RNF111: variants seen among roughly 807,000 people sequenced by gnomAD.
RNF111 encodes the protein E3 ubiquitin-protein ligase Arkadia.
RNF111 carries 17 observed loss-of-function variants against 95.1 expected under a neutral mutation model. That is an observed-to-expected ratio of 0.18 (90% CI 0.12 to 0.27). The LOEUF (loss-of-function observed/expected upper bound fraction) is 0.27, where lower values mean the gene tolerates loss of function less well. Ranked by LOEUF, RNF111 falls within the 10% of genes least tolerant of loss-of-function variation. RNF111 has a pLI of 1.00. For missense variants in RNF111, 1,189 were observed against 1,210.4 expected (o/e 0.98, Z 0.26); for synonymous variants, 440 against 414.8 (o/e 1.06, Z -0.74).
chr15:58,996,059 T>C (rs1322983286), intron 1 of RNF111, among the ~76,000 whole-genome samples: 2 of 152,154 alleles, frequency 1.3e-5, no homozygotes, highest in Admixed American at 6.5e-5. Context: ...CAGCAACTTA[T>C]TGTCATAAAG....
rs367600114 is a variant in RNF111 at position 59,051,221 on chromosome 15, A to T, written c.881-1084A>T. Among the ~76,000 whole-genome samples the T allele has an allele frequency of 5.9e-5, 9 of 151,778 alleles. No homozygotes were observed. In the East Asian group the frequency reaches 1.7e-3, roughly 29 times the overall value. ...GTAATCCCAGCACTTTGGGAGGCTG[A>T]GGAGGGTGGATCATGAGGTCAGGAG... On this transcript the variant is annotated intron_variant, in intron 2 of 13. Transcript: ENST00000348370.
chr15:59,033,923 T>C (rs2041041365), intron 2 of RNF111, among the ~76,000 whole-genome samples: 1 of 152,322 alleles, frequency 6.6e-6, no homozygotes, highest in Admixed American at 6.5e-5. Context: ...ACAAGTGATT[T>C]GCTTTAAACT....
chr15:59,031,395 T>G lies in RNF111; in HGVS notation c.573T>G (p.Ser191=). 2 of 1,614,200 alleles carry G rather than the reference T, an allele frequency of 1.2e-6. No individual in the cohort carries two copies. The highest frequency in any genetic ancestry group is 2.2e-5 in the South Asian group (2 of 91,078). The stretch of plus-strand genomic sequence containing the variant: ...AGTGGCCTCGGACTGAGACAGAATC[T>G]GTATCGGGATTGTTAATGAAAAGAC... ...SHKWPRTETE[S]VSGLLMKRPC... is the part of the protein sequence containing the mutation. The change falls in exon 2 of 14, where the codon TCT becomes TCG. Residue 191 remains serine (S), a synonymous_variant. Transcript: ENST00000348370.
chr15:59,007,268 T>TG (rs1491560167), intron 1 of RNF111, among the ~76,000 whole-genome samples: 1 of 135,104 alleles, frequency 7.4e-6, no homozygotes, highest in East Asian at 2.0e-4. Flanking sequence ...CAATGTTCAA[T>TG]TTTTTTTTTT....
At chr15:58,999,200 A>G (rs1358401731) in intron 1 of RNF111, among the ~76,000 whole-genome samples, 1 of 152,236 alleles carries the variant, frequency 6.6e-6, no homozygotes, top group Non-Finnish European at 1.5e-5. Flanking sequence ...ATACAGATGC[A>G]GATGTGACAA....
intron 1 of RNF111, among the ~76,000 whole-genome samples, chr15:59,025,653 G>C (rs1012731611): frequency 6.6e-6 from 1 of 151,728 alleles, no homozygotes; most frequent in Non-Finnish European, 1.5e-5. Context: ...TAGTTAAATG[G>C]TAGACATATT....
At position 59,075,939 on chromosome 15, in the gene RNF111, T is replaced by G. The variant is rs377013840; in HGVS notation, c.1687-15T>G. On this transcript the variant is annotated splice_polypyrimidine_tract_variant and intron_variant, in intron 6 of 13. Coordinates refer to ENST00000348370, the MANE Select transcript of RNF111 (RefSeq NM_017610.8). ...CAAACTTTAGAAAGATAAAATATAC[T>G]TCCTTTTTATCTAGCAGGCATTGCC... 390 of 1,611,682 alleles carry G rather than the reference T, an allele frequency of 2.4e-4. 6 individuals carry two copies. In the South Asian group the frequency reaches 2.6e-3, roughly 11 times the overall value.
intron 1 of RNF111, among the ~76,000 whole-genome samples, chr15:59,027,459 A>G (rs1371118292): frequency 6.6e-6 from 1 of 152,166 alleles, no homozygotes; most frequent in African/African-American, 2.4e-5. Context: ...CACAGAGTTG[A>G]ATAGCTGGCA....
intron 5 of RNF111, among the ~76,000 whole-genome samples, chr15:59,064,180 A>G (rs1375649015): frequency 6.6e-6 from 1 of 152,222 alleles, no homozygotes; most frequent in African/African-American, 2.4e-5. Flanking sequence ...TTTGGAATAC[A>G]AGTGAATGAA....
At chr15:59,028,824 A>T (rs781459240) in intron 1 of RNF111, among the ~76,000 whole-genome samples, 21 of 151,470 alleles carry the variant, frequency 1.4e-4, no homozygotes, top group South Asian at 4.2e-4. Context: ...CTGTTGCTCA[A>T]GCTGGACTGT....
chr15:58,990,952 C>T (rs544936487), intron 1 of RNF111, among the ~76,000 whole-genome samples: 4 of 152,166 alleles, frequency 2.6e-5, no homozygotes, highest in East Asian at 1.9e-4. Flanking sequence ...TCTACAGGTA[C>T]TCAATTTATA....
intron 1 of RNF111, among the ~76,000 whole-genome samples, chr15:59,018,363 A>G (rs1296015715): frequency 2.0e-5 from 3 of 152,214 alleles, no homozygotes; most frequent in Non-Finnish European, 4.4e-5. Flanking sequence ...CTGGTCACTT[A>G]AGAAATTTTA....
chr15:59,075,921 T>C (rs1490266219), intron 6 of RNF111, 33 bp from the exon 7 acceptor site: 2 of 1,603,372 alleles, frequency 1.2e-6, no homozygotes, highest in African/African-American at 1.3e-5. Context: ...GACCAAACTT[T>C]AGAAAGATAA....
At chr15:59,047,356 A>G (rs1233635139) in intron 2 of RNF111, among the ~76,000 whole-genome samples, 2 of 152,054 alleles carry the variant, frequency 1.3e-5, no homozygotes, top group African/African-American at 4.8e-5. Context: ...TTAGCTGGGC[A>G]TGGTGGCAGG....
Position 59,081,084 on chromosome 15 carries a change from T to G in RNF111, c.2097T>G (p.His699Gln). Residue 699 changes from histidine to glutamine, a missense_variant, in exon 8 of 14, where the codon CAT becomes CAG. By Grantham distance (24) the His-to-Gln change is conservative (BLOSUM62 0). Around this residue, in one of 2 missense-constraint regions of RNF111, gnomAD observed 1,024 missense variants for 925.9 expected, o/e 1.11. Coordinates refer to ENST00000348370, the MANE Select transcript of RNF111 (RefSeq NM_017610.8). ...CTTTCCATTCTCAAATATCTTCTCA[T>G]GCAACATCTCATCCTGTGGCACCCC... Reference protein sequence around the residue: ...VHAFHSQISSHATSHPVAPPP... With the variant: ...VHAFHSQISSQATSHPVAPPP... The G allele has an allele frequency of 6.2e-7, 1 of 1,614,136 alleles. No individual in the cohort carries two copies. The highest frequency in any genetic ancestry group is 1.1e-5 in the South Asian group (1 of 91,076).
At chr15:59,019,775 G>A (rs1237080725) in intron 1 of RNF111, among the ~76,000 whole-genome samples, 13 of 152,036 alleles carry the variant, frequency 8.6e-5, no homozygotes, top group Admixed American at 8.5e-4. Flanking sequence ...CCTGGCCAAC[G>A]TGGTAAAACC....
At chr15:59,091,250 T>G in intron 12 of RNF111, 96 bp downstream of exon 12, 1 of 655,210 alleles carries the variant, frequency 1.5e-6, no homozygotes, top group African/African-American at 1.8e-5. Flanking sequence ...CAATGACATT[T>G]TTATTGAAGT....
chr15:59,011,496 T>A (rs1209094921), intron 1 of RNF111, among the ~76,000 whole-genome samples: 1 of 152,134 alleles, frequency 6.6e-6, no homozygotes, highest in Non-Finnish European at 1.5e-5. Flanking sequence ...ACAGATGGAG[T>A]GGCTTAAACC....
chr15:59,040,609 C>G (rs1737539957), intron 2 of RNF111, among the ~76,000 whole-genome samples: 1 of 152,142 alleles, frequency 6.6e-6, no homozygotes, highest in South Asian at 2.1e-4. Context: ...ACAATATTAA[C>G]CATTGCTTAT....
Sources: allele counts gnomAD v4.1 joint callset (sites outside exome capture counted in the v4.1 genomes callset), GRCh38; gene constraint gnomAD v4.1.1; regional missense constraint gnomAD v4.1.1; transcripts MANE v1.5; gene names NCBI Gene and HGNC (gene_info 2026-07-23, HGNC 2026-07-21).